The following NEGR1 variants were observed in gnomAD, a reference collection of about 807,000 sequenced individuals.
NEGR1 encodes neuronal growth regulator 1, also known as IgLON family member 4.
NEGR1 carries 10 observed loss-of-function variants against 40.9 expected under a neutral mutation model. The observed-to-expected ratio is 0.24, with a 90% confidence interval of 0.15 to 0.42. The LOEUF (loss-of-function observed/expected upper bound fraction) is 0.42. Among genes scored for constraint, NEGR1 ranks in the 10% least tolerant of loss-of-function variants. The pLI is 1.00. For missense variants in NEGR1, 352 were observed against 438.9 expected (o/e 0.80, Z 1.77); for synonymous variants, 185 against 166.8 (o/e 1.11, Z -0.84).
At position 72,049,780 on chromosome 1, in the gene NEGR1, T is replaced by G. The variant is rs189267464; in HGVS notation, c.177-114469A>C. Reference sequence around the variant, plus strand: ...TTGTATCCCAATTTTTGGCATACTGTAGGGCATTAATAAAAGCTAAATTGT... The same window carrying G: ...TTGTATCCCAATTTTTGGCATACTGGAGGGCATTAATAAAAGCTAAATTGT... On this transcript the variant is annotated intron_variant, in intron 1 of 6. Transcript: ENST00000357731. Among the ~76,000 whole-genome samples the G allele has an allele frequency of 2.6e-3, 394 of 151,736 alleles. 1 individual carries two copies. The highest frequency in any genetic ancestry group is 9.0e-3 in the African/African-American group (375 of 41,502).
chr1:71,522,097 C>T (rs1647161290), intron 6 of NEGR1, among the ~76,000 whole-genome samples: 1 of 151,934 alleles, frequency 6.6e-6, no homozygotes, highest in African/African-American at 2.4e-5. Flanking sequence ...TGGGTGCACA[C>T]ACATGTCCTT....
chr1:71,845,729 A>G (rs1037489568), intron 2 of NEGR1, among the ~76,000 whole-genome samples: 6 of 151,418 alleles, frequency 4.0e-5, no homozygotes, highest in East Asian at 1.9e-4. Flanking sequence ...CTATCTATCT[A>G]TCTATCTACC....
intron 4 of NEGR1, among the ~76,000 whole-genome samples, chr1:71,638,038 C>G (rs1393878578): frequency 1.3e-5 from 2 of 152,038 alleles, no homozygotes; most frequent in African/African-American, 4.8e-5. Context: ...GTTAAGGAAT[C>G]TTCCCAAGCT....
At chr1:71,531,475 TA>T (rs928865686) in intron 6 of NEGR1, among the ~76,000 whole-genome samples, 20 of 151,374 alleles carry the variant, frequency 1.3e-4, no homozygotes, top group African/African-American at 4.8e-4. Flanking sequence ...AAAAGTTTAC[TA>T]GCAAGATTAT....
rs542664003 is a variant in NEGR1 at position 71,504,515 on chromosome 1, T to A, written c.940+88302A>T. On this transcript the variant is annotated intron_variant, in intron 6 of 6. Transcript: ENST00000357731. ...AGCCAGGACGGTTTAAAAGAAAATA[T>A]CCTGAATGGAAATAAGAAAAAAAAG... Among the ~76,000 whole-genome samples, 22 of 152,044 alleles carry A rather than the reference T, an allele frequency of 1.4e-4. No homozygotes were observed. The South Asian group carries it at 4.4e-3, about 30-fold the overall frequency.
intron 6 of NEGR1, among the ~76,000 whole-genome samples, chr1:71,560,449 G>GTATATATATATATA (rs1557567048): frequency 6.0e-5 from 7 of 116,760 alleles, no homozygotes; most frequent in Non-Finnish European, 1.3e-4. Context: ...ATATATATAT[G>GTATATATATATATA]TATATATATA....
intron 1 of NEGR1, among the ~76,000 whole-genome samples, chr1:71,955,233 A>G (rs1646109898): frequency 6.6e-6 from 1 of 152,144 alleles, no homozygotes; most frequent in South Asian, 2.1e-4. Context: ...ATATTTTGGT[A>G]GGCCATAGAT....
intron 1 of NEGR1, among the ~76,000 whole-genome samples, chr1:72,040,960 C>A (rs1007944296): frequency 1.3e-5 from 2 of 151,928 alleles, no homozygotes; most frequent in Non-Finnish European, 2.9e-5. Context: ...CAGACATCAA[C>A]CTAATAACCT....
intron 2 of NEGR1, among the ~76,000 whole-genome samples, chr1:71,854,451 T>C (rs1659700617): frequency 6.6e-6 from 1 of 152,104 alleles, no homozygotes; most frequent in Non-Finnish European, 1.5e-5. Flanking sequence ...CAGCACCTGA[T>C]ATTTAGAAGA....
intron 2 of NEGR1, among the ~76,000 whole-genome samples, chr1:71,829,425 T>C (rs1416859545): frequency 6.6e-6 from 1 of 151,854 alleles, no homozygotes; most frequent in Non-Finnish European, 1.5e-5. Context: ...TTTTCAGAGA[T>C]ACCACACTCC....
intron 1 of NEGR1, among the ~76,000 whole-genome samples, chr1:72,200,994 TA>T (rs1387779168): frequency 6.6e-6 from 1 of 151,882 alleles, no homozygotes; most frequent in Admixed American, 6.6e-5. Context: ...ATTCTCCTTA[TA>T]TACTATTATA....
chr1:72,141,849 T>A (rs1570031983), intron 1 of NEGR1, among the ~76,000 whole-genome samples: 1 of 151,822 alleles, frequency 6.6e-6, no homozygotes. Context: ...ATGGTAGGGG[T>A]TTAGCAAAAG....
chr1:71,592,908 A>G lies in NEGR1; in HGVS notation c.849T>C (p.Thr283=). The G allele has an allele frequency of 6.2e-7, 1 of 1,610,158 alleles. No homozygotes were observed. The highest frequency in any genetic ancestry group is 8.5e-7 in the Non-Finnish European group (1 of 1,176,470). ...IQNFSTRSIL[T]VTNVTQEHFG... Reference sequence around the variant, plus strand: ...AGTGCTCCTGTGTCACGTTGGTAACAGTGAGAATGGATCTTGTGCTAAAAT... The same window carrying G: ...AGTGCTCCTGTGTCACGTTGGTAACGGTGAGAATGGATCTTGTGCTAAAAT... The change falls in exon 6 of 7, where the codon ACT becomes ACC. Residue 283 remains threonine, a synonymous_variant. Transcript: ENST00000357731.
chr1:71,495,347 C>A (rs1569945787), intron 6 of NEGR1, among the ~76,000 whole-genome samples: 1 of 151,892 alleles, frequency 6.6e-6, no homozygotes, highest in Non-Finnish European at 1.5e-5. Context: ...CATGGTGGCA[C>A]AGGCCTGTCA....
intron 1 of NEGR1, among the ~76,000 whole-genome samples, chr1:72,234,032 T>C (rs1353169613): frequency 8.5e-5 from 13 of 152,122 alleles, no homozygotes; most frequent in African/African-American, 2.4e-4. Flanking sequence ...GTTTGTTGCA[T>C]AGGTAAACTT....
At chr1:72,057,154 T>C (rs1647118326) in intron 1 of NEGR1, among the ~76,000 whole-genome samples, 2 of 151,550 alleles carry the variant, frequency 1.3e-5, no homozygotes, top group South Asian at 4.1e-4. Flanking sequence ...AATGTTATTA[T>C]TGATTGAATG....
intron 2 of NEGR1, among the ~76,000 whole-genome samples, chr1:71,838,703 AATAAC>A (rs1659127779): frequency 6.6e-6 from 1 of 152,078 alleles, no homozygotes; most frequent in Non-Finnish European, 1.5e-5. Context: ...GTTGGTTGTT[AATAAC>A]ATTATTTAAA....
chr1:71,638,613 C>T (rs1163892533), intron 4 of NEGR1, among the ~76,000 whole-genome samples: 1 of 152,036 alleles, frequency 6.6e-6, no homozygotes, highest in African/African-American at 2.4e-5. Context: ...TGCATTTAAC[C>T]TTCACAACAG....
intron 6 of NEGR1, chr1:71,486,327 T>A (rs370893834): frequency 3.6e-4 from 55 of 151,768 alleles, no homozygotes; most frequent in African/African-American, 1.3e-3. Flanking sequence ...TAAGAGTTCT[T>A]TACATGTTTT....
Sources: gnomAD v4.1 joint callset for allele counts (sites outside exome capture counted in the v4.1 genomes callset) on GRCh38, gnomAD v4.1.1 for gene constraint, MANE v1.5 for transcripts, NCBI Gene and HGNC (gene_info 2026-07-23, HGNC 2026-07-21) for gene names.